The following POLR1B variants were observed in gnomAD, a reference collection of about 807,000 sequenced individuals.
The protein encoded by POLR1B is RNA polymerase I subunit B.
Under a neutral mutation model 105.8 loss-of-function variants are expected in POLR1B, and 30 were observed. The ratio of observed to expected loss-of-function variants is 0.28; its 90% CI spans 0.21 to 0.38. The LOEUF is 0.38. Among genes scored for constraint, POLR1B ranks in the 10% least tolerant of loss-of-function variants. The probability of loss-of-function intolerance (pLI) is 1.00; values close to 1 mark genes in which losing one functional copy is unlikely to be tolerated. For missense variants in POLR1B, 976 were observed against 1,435.8 expected, an observed-to-expected ratio of 0.68 and a Z score of 5.17; for synonymous variants, 485 against 505.1, an observed-to-expected ratio of 0.96 and a Z score of 0.53.
At chr2:112,573,887 G>C in intron 14 of POLR1B, 72 bp downstream of exon 14, 2 of 1,544,172 alleles carry the variant, frequency 1.3e-6, no homozygotes, top group Non-Finnish European at 1.8e-6. Flanking sequence ...CAGTGTGTCA[G>C]CCGGGCTGGA....
chr2:112,572,582 C>T lies in POLR1B; in HGVS notation c.2095C>T (p.Pro699Ser). The T allele has an allele frequency of 6.3e-7, 1 of 1,584,068 alleles. No homozygotes were observed. Residue 699 changes from proline (P) to serine (S), a missense_variant, in exon 13 of 15, where the codon CCA (proline) becomes TCA (serine). Pro to Ser is a moderately conservative substitution (Grantham distance 74). Transcript: ENST00000263331. ...TGTAGGTAAGCAAACTATGGGCTTT[C>T]CACTTCTCACTTATCAAGACCGATC... ...CQMGKQTMGF[P>S]LLTYQDRSDN...
At chr2:112,544,910 A>C (rs1037457183) in intron 1 of POLR1B, among the ~76,000 whole-genome samples, 4 of 152,160 alleles carry the variant, frequency 2.6e-5, no homozygotes, top group African/African-American at 9.7e-5. Flanking sequence ...AAATTCACCT[A>C]CTCACTAAAA....
chr2:112,546,962 AAAAATGCCTTGG>A (rs1267780987), intron 1 of POLR1B, 38 bp from the exon 2 acceptor site: 2 of 1,587,548 alleles, frequency 1.3e-6, no homozygotes, highest in Non-Finnish European at 1.7e-6. Context: ...GTCTTAGAGA[AAAAATGCCTTGG>A]AAATGCAAGC....
chr2:112,569,084 C>T (rs766734303), intron 12 of POLR1B, among the ~76,000 whole-genome samples, 182 bp downstream of exon 12: 1 of 152,190 alleles, frequency 6.6e-6, no homozygotes, highest in Non-Finnish European at 1.5e-5. Flanking sequence ...ATTTAGTTGG[C>T]ATGTCTATTT....
At chr2:112,559,265 A>G (rs753221311) in intron 8 of POLR1B, 28 bp from the exon 9 acceptor site, 3 of 1,607,214 alleles carry the variant, frequency 1.9e-6, no homozygotes, top group Non-Finnish European at 2.6e-6. Context: ...AGATTGGCCC[A>G]TTTTTGAATG....
At position 112,559,437 on chromosome 2, in the gene POLR1B, A is replaced by G; in HGVS notation, c.1475A>G (p.Glu492Gly). Residue 492 changes from glutamate (E) to glycine (G), a missense_variant, in exon 9 of 15, where the codon GAG (glutamate) becomes GGG (glycine). Around this residue, in one of 12 missense-constraint regions of POLR1B, gnomAD observed 452 missense variants for 616.5 expected, o/e 0.73. Transcript: ENST00000263331. ...ACCACAGTACGCAGGCTGCTGCCAG[A>G]GTCCTGGGGCTTCCTTTGTCCCGTG... The part of the protein sequence containing the change: ...RTTTVRRLLP[E>G]SWGFLCPVHT... 5 of 1,614,204 alleles carry G rather than the reference A, an allele frequency of 3.1e-6. No individual in the cohort carries two copies. Among genetic ancestry groups the G allele is most frequent in the Non-Finnish European group, 4.2e-6 (5 of 1,180,042 alleles).
intron 9 of POLR1B, among the ~76,000 whole-genome samples, chr2:112,563,113 G>A (rs1175238870): frequency 6.7e-6 from 1 of 148,276 alleles, no homozygotes; most frequent in African/African-American, 2.5e-5. Context: ...GGAGTGCAGT[G>A]GCGTGATCTC....
intron 1 of POLR1B, among the ~76,000 whole-genome samples, chr2:112,544,216 A>C (rs950118984): frequency 6.6e-6 from 1 of 152,070 alleles, no homozygotes; most frequent in Non-Finnish European, 1.5e-5. Context: ...GGATCACTTG[A>C]GGTCAGGAGT....
chr2:112,554,676 C>T (rs1379952876), intron 7 of POLR1B: 2 of 152,046 alleles, frequency 1.3e-5, no homozygotes, highest in Admixed American at 1.3e-4. Flanking sequence ...ATGGTGGGCT[C>T]ATTGTATTCC....
rs1684714824 is a variant in POLR1B, at chr2:112,573,779, A to T, written c.2489A>T (p.Asn830Ile). ...GGAGATCCGTATTACAGCTACCTCA[A>T]CCTCAACACCGGGGAAAGTTTTGTG... is the stretch of plus-strand genomic sequence containing the variant. ...QYGDPYYSYL[N>I]LNTGESFVMY... The change falls in exon 14 of 15, where the codon AAC becomes ATC. Residue 830 changes from asparagine (N) to isoleucine (I), a missense_variant. By Grantham distance (149) the Asn-to-Ile change is moderately radical. Coordinates refer to ENST00000263331, the MANE Select transcript of POLR1B (RefSeq NM_019014.6). The T allele has an allele frequency of 1.4e-5, 23 of 1,614,156 alleles. No individual in the cohort carries two copies. Among genetic ancestry groups the T allele is most frequent in the Non-Finnish European group, 1.9e-5 (23 of 1,179,984 alleles).
chr2:112,542,200 C>T (rs1682783136), upstream of POLR1B: 6 of 1,535,690 alleles, frequency 3.9e-6, no homozygotes, highest in Non-Finnish European at 5.2e-6. Flanking sequence ...AGCGGGTTTC[C>T]ACCTGCGGCA....
Position 112,578,293 on chromosome 2 carries a change from A to G in POLR1B, c.*2564A>G, listed in dbSNP as rs1253825293. ...CAAGATACAGAGCTGTTCCGTCATCACAGAGCTCTGCCATACTATCCTTTT... is the reference window on the plus strand; with the variant it reads ...CAAGATACAGAGCTGTTCCGTCATCGCAGAGCTCTGCCATACTATCCTTTT... On this transcript the variant is annotated 3_prime_UTR_variant, in exon 15 of 15. Transcript: ENST00000263331. Among the ~76,000 whole-genome samples the G allele has an allele frequency of 1.3e-5, 2 of 152,136 alleles. No individual in the cohort carries two copies. Among genetic ancestry groups the G allele is most frequent in the Non-Finnish European group, 2.9e-5 (2 of 68,022 alleles).
chr2:112,546,647 T>C (rs1191669436), intron 1 of POLR1B, among the ~76,000 whole-genome samples: 4 of 133,428 alleles, frequency 3.0e-5, no homozygotes, highest in African/African-American at 5.5e-5. Context: ...CTGCAGGCTC[T>C]GCCTCCCGGG....
chr2:112,573,740 C>T lies in POLR1B; in HGVS notation c.2450C>T (p.Ala817Val), dbSNP rs765950604. The change falls in exon 14 of 15, where the codon GCA becomes GTA. Residue 817 changes from alanine to valine, a missense_variant. Coordinates refer to ENST00000263331, the MANE Select transcript of POLR1B (RefSeq NM_019014.6). Reference protein sequence around the residue: ...LDDDGLPFIGAKLQYGDPYYS... With the variant: ...LDDDGLPFIGVKLQYGDPYYS... ...GACGATGGATTGCCGTTTATAGGAG[C>T]AAAACTGCAGTACGGAGATCCGTAT... is the stretch of plus-strand genomic sequence containing the variant. The T allele has an allele frequency of 1.2e-6, 2 of 1,614,216 alleles. No individual in the cohort carries two copies. Among genetic ancestry groups the T allele is most frequent in the Admixed American group, 1.7e-5 (1 of 60,016 alleles).
In POLR1B at chr2:112,575,663, T is replaced by C. The variant is rs529505587; in HGVS notation, c.3342T>C (p.Tyr1114=). 1.1e-5 allele frequency: 18 copies of C among 1,614,024 alleles called. No individual in the cohort carries two copies. In the East Asian group the frequency reaches 2.7e-4, roughly 24 times the overall value. ...SDTIDTVSVP[Y]VFRYFVAELA... ...CTATCGATACTGTTTCTGTGCCTTA[T>C]GTTTTTCGGTATTTTGTAGCTGAAC... The change falls in exon 15 of 15, where the codon TAT becomes TAC. Residue 1114 remains tyrosine (Y), a synonymous_variant. Coordinates refer to ENST00000263331, the MANE Select transcript of POLR1B (RefSeq NM_019014.6). This position sits in a 1 kb window ranked among gnomAD's most constrained non-coding sequence, Gnocchi z 5.3.
At chr2:112,563,682 G>C (rs1361436245) in intron 9 of POLR1B, among the ~76,000 whole-genome samples, 8 of 152,058 alleles carry the variant, frequency 5.3e-5, no homozygotes, top group Non-Finnish European at 1.2e-4. Context: ...AGGATTGCTT[G>C]AGCCCAGGAG....
In POLR1B at chr2:112,576,761, TA is replaced by T. The variant is rs1381121277; in HGVS notation, c.*1033del. The stretch of plus-strand genomic sequence containing the variant: ...AGGAGTTCAAGGACAGCCTGGGTAA[TA>T]TAGGAAGACCCTGTCTTGAAGACCC... On this transcript the variant is annotated 3_prime_UTR_variant, in exon 15 of 15. Transcript: ENST00000263331. The T allele has an allele frequency of 6.6e-6, 1 of 152,096 alleles. No individual in the cohort carries two copies. Among genetic ancestry groups the T allele is most frequent in the Admixed American group, 6.6e-5 (1 of 15,266 alleles). 9.4% of individuals were successfully genotyped at this position (152,096 alleles called of 1,614,324 possible). A position where few individuals can be genotyped will look rare whatever the true frequency, so the allele number is the denominator to read the frequency against.
rs763402653 is a variant in POLR1B at position 112,575,644 on chromosome 2, A to G, written c.3323A>G (p.Asp1108Gly). 1.8e-5 allele frequency: 29 copies of G among 1,614,010 alleles called. No individual in the cohort carries two copies. Among genetic ancestry groups the G allele is most frequent in the Non-Finnish European group, 2.5e-5 (29 of 1,180,034 alleles). Residue 1108 changes from aspartate to glycine, a missense_variant, in exon 15 of 15, where the codon GAT becomes GGT. Physicochemically the swap from Asp to Gly is moderately conservative, Grantham distance 94. Coordinates refer to ENST00000263331, the MANE Select transcript of POLR1B (RefSeq NM_019014.6). The surrounding 1 kb of genome is among the most constrained non-coding windows in gnomAD (Gnocchi z 5.3). ...CTLCSRSDTI[D>G]TVSVPYVFRY... ...CTGTGTAGTCGCAGTGACACTATCG[A>G]TACTGTTTCTGTGCCTTATGTTTTT...
rs1389418313 is a variant in POLR1B at position 112,578,610 on chromosome 2, G to A, written c.*2881G>A. Among the ~76,000 whole-genome samples, 4 of 151,934 alleles carry A rather than the reference G, an allele frequency of 2.6e-5. No individual in the cohort carries two copies. The highest frequency in any genetic ancestry group is 9.7e-5 in the African/African-American group (4 of 41,344). Reference sequence around the variant, plus strand: ...ACATTTTGGTTGTTTCCAGTTTGGGGGCATTAACAATAAAGCTGATCTGAA... The same window carrying A: ...ACATTTTGGTTGTTTCCAGTTTGGGAGCATTAACAATAAAGCTGATCTGAA... On this transcript the variant is annotated 3_prime_UTR_variant, in exon 15 of 15. Coordinates refer to ENST00000263331, the MANE Select transcript of POLR1B (RefSeq NM_019014.6).
Sources: gnomAD v4.1 joint callset for allele counts (sites outside exome capture counted in the v4.1 genomes callset) on GRCh38, gnomAD v4.1.1 for gene constraint, gnomAD v4.1.1 regional missense constraint, Gnocchi (gnomAD v3.1) non-coding constraint, MANE v1.5 for transcripts, NCBI Gene and HGNC (gene_info 2026-07-23, HGNC 2026-07-21) for gene names.